EXOC8: variants seen among roughly 807,000 people sequenced by gnomAD.
EXOC8 encodes exocyst complex 84 kDa subunit.
Under a neutral mutation model 50.8 loss-of-function variants are expected in EXOC8, and 19 were observed. The observed-to-expected ratio is 0.37, with a 90% CI of 0.26 to 0.55. The LOEUF is 0.55. EXOC8 is among the 20% of genes least tolerant of loss of function. The probability of loss-of-function intolerance (pLI) is 0.80; values close to 1 mark genes in which losing one functional copy is unlikely to be tolerated. For missense variants in EXOC8, 781 were observed against 915.8 expected, an observed-to-expected ratio of 0.85 and a Z score of 1.90; for synonymous variants, 384 against 367.9, an observed-to-expected ratio of 1.04 and a Z score of -0.50.
Position 231,336,373 on chromosome 1 carries a change from T to C in EXOC8, c.1373A>G (p.Lys458Arg), listed in dbSNP as rs929326623. The C allele has an allele frequency of 6.2e-7, 1 of 1,613,952 alleles. No individual in the cohort carries two copies. Among genetic ancestry groups the C allele is most frequent in the Non-Finnish European group, 8.5e-7 (1 of 1,180,050 alleles). ...IEGATLLYIH[K>R]LCHVFFTSLL... is the part of the protein sequence containing the mutation. ...GCTGGTAAAGAAGACATGGCACAGC[T>C]TATGAATATAGAGTAAAGTGGCACC... Residue 458 changes from lysine to arginine, a missense_variant, in exon 1 of 1, where the codon AAG becomes AGG. Physicochemically the swap from Lys to Arg is conservative, Grantham distance 26 (BLOSUM62 2). Around this residue, in one of 3 missense-constraint regions of EXOC8, gnomAD observed 700 missense variants for 804.1 expected, o/e 0.87. Transcript: ENST00000366645. This position sits in a 1 kb window ranked among gnomAD's most constrained non-coding sequence, Gnocchi z 5.4.
In EXOC8 at chr1:231,336,763, T is replaced by C; in HGVS notation, c.983A>G (p.Glu328Gly). Residue 328 changes from glutamate (E) to glycine (G), a missense_variant, in exon 1 of 1, where the codon GAG becomes GGG. By Grantham distance (98) the Glu-to-Gly change is moderately conservative. Coordinates refer to ENST00000366645, the MANE Select transcript of EXOC8 (RefSeq NM_175876.5). This position sits in a 1 kb window ranked among gnomAD's most constrained non-coding sequence, Gnocchi z 5.4. ...CCATTCCATGGAGAGGTCCACCTTC[T>C]CTTCCTCTACCTCAGGAACAGCTGG... ...EEPAVPEVEEEKVDLSMEWIQ... is the reference protein window; with the variant it reads ...EEPAVPEVEEGKVDLSMEWIQ... 1 of 1,614,222 alleles carries C rather than the reference T, an allele frequency of 6.2e-7. No individual in the cohort carries two copies. The highest frequency in any genetic ancestry group is 8.5e-7 in the Non-Finnish European group (1 of 1,180,036).
chr1:231,336,858 C>T lies in EXOC8; in HGVS notation c.888G>A (p.Ala296=), dbSNP rs1174976436. The change falls in exon 1 of 1, where the codon GCG becomes GCA. Residue 296 remains alanine, a synonymous_variant. Transcript: ENST00000366645. This position sits in a 1 kb window ranked among gnomAD's most constrained non-coding sequence, Gnocchi z 5.4. ...TCACTTGGGGTGGCCCTCGAGGGGC[C>T]GCTGCCTCCTCCTGCTCCCTTCGCC... The part of the protein sequence containing the change: ...EKRRREQEEA[A]APRGPPQVTS... 1 of 1,613,982 alleles carries T rather than the reference C, an allele frequency of 6.2e-7. No homozygotes were observed. Among genetic ancestry groups the T allele is most frequent in the Non-Finnish European group, 8.5e-7 (1 of 1,180,042 alleles).
rs913828942 is a variant in EXOC8 at position 231,333,536 on chromosome 1, A to G, written c.*2032T>C. On this transcript the variant is annotated 3_prime_UTR_variant, in exon 1 of 1. Transcript: ENST00000366645. ...TATCATTCCACAGACTCAGCATCATATATTTATACATATTTCATACAGTAT... is the reference window on the plus strand; with the variant it reads ...TATCATTCCACAGACTCAGCATCATGTATTTATACATATTTCATACAGTAT... 2.6e-5 allele frequency: 4 copies of G among 152,668 alleles called. No homozygotes were observed. Among genetic ancestry groups the G allele is most frequent in the Non-Finnish European group, 5.9e-5 (4 of 68,036 alleles). 9.5% of individuals were successfully genotyped at this position (152,668 alleles called of 1,614,324 possible).
rs1338419784 is a variant in EXOC8, at chr1:231,333,128, T to C, written c.*2440A>G. The C allele has an allele frequency of 6.6e-6, 1 of 152,240 alleles. No homozygotes were observed. Among genetic ancestry groups the C allele is most frequent in the Non-Finnish European group, 1.5e-5 (1 of 68,046 alleles). The allele number at this position is 152,240 out of a possible 1,614,324, so 9.4% of individuals were successfully genotyped here. On this transcript the variant is annotated 3_prime_UTR_variant, in exon 1 of 1. Coordinates refer to ENST00000366645, the MANE Select transcript of EXOC8 (RefSeq NM_175876.5). The stretch of plus-strand genomic sequence containing the variant: ...AAAGGCAATCAATGCTTAAGTGGTA[T>C]ATTTTAGTATATATTACATTTCTGG...
chr1:231,337,135 T>C lies in EXOC8; in HGVS notation c.611A>G (p.His204Arg). 6.2e-7 allele frequency: 1 copy of C among 1,614,156 alleles called. No individual in the cohort carries two copies. Among genetic ancestry groups the C allele is most frequent in the Non-Finnish European group, 8.5e-7 (1 of 1,180,028 alleles). The change falls in exon 1 of 1, where the codon CAC (histidine) becomes CGC (arginine). Residue 204 changes from histidine to arginine, a missense_variant. By Grantham distance (29) the His-to-Arg change is conservative (BLOSUM62 0). Around this residue, in one of 3 missense-constraint regions of EXOC8, gnomAD observed 700 missense variants for 804.1 expected, o/e 0.87. Transcript: ENST00000366645. This position sits in a 1 kb window ranked among gnomAD's most constrained non-coding sequence, Gnocchi z 5.9. ...ADHMAQLQRVHGFLMNDCLLV... is the reference protein window; with the variant it reads ...ADHMAQLQRVRGFLMNDCLLV... Reference sequence around the variant, plus strand: ...CAAGCAATCGTTCATGAGAAAGCCGTGCACCCGCTGCAGTTGGGCCATGTG... The same window carrying C: ...CAAGCAATCGTTCATGAGAAAGCCGCGCACCCGCTGCAGTTGGGCCATGTG...
chr1:231,336,714 C>G lies in EXOC8; in HGVS notation c.1032G>C (p.Leu344=), dbSNP rs746595093. The stretch of plus-strand genomic sequence containing the variant: ...AGTCTCTCTGCGCAATGCAGACATC[C>G]AGGTCTTCAGGTAACTCCTGGATCC... ...MEWIQELPED[L]DVCIAQRDFE... Residue 344 remains leucine, a synonymous_variant, in exon 1 of 1, where the codon CTG becomes CTC. Transcript: ENST00000366645. The surrounding 1 kb of genome is among the most constrained non-coding windows in gnomAD (Gnocchi z 5.4). The G allele has an allele frequency of 1.9e-6, 3 of 1,614,224 alleles. No individual in the cohort carries two copies. The highest frequency in any genetic ancestry group is 2.5e-6 in the Non-Finnish European group (3 of 1,180,050).
chr1:231,332,909 T>C lies in EXOC8; in HGVS notation c.*2659A>G, dbSNP rs940216207. The C allele has an allele frequency of 3.9e-5, 6 of 152,174 alleles. No homozygotes were observed. Among genetic ancestry groups the C allele is most frequent in the Non-Finnish European group, 7.4e-5 (5 of 68,022 alleles). The allele number at this position is 152,174 out of a possible 1,614,324, so 9.4% of individuals were successfully genotyped here. A position where few individuals can be genotyped will look rare whatever the true frequency, so the allele number is the denominator to read the frequency against. ...CTAGGTAAGATATCAAGTTACAAAA[T>C]ACAAGTGCCGATAATTAAACTATAG... On this transcript the variant is annotated 3_prime_UTR_variant, in exon 1 of 1. Coordinates refer to ENST00000366645, the MANE Select transcript of EXOC8 (RefSeq NM_175876.5).
chr1:231,336,716 G>T lies in EXOC8; in HGVS notation c.1030C>A (p.Leu344Met), dbSNP rs768511878. ...MEWIQELPED[L>M]DVCIAQRDFE... Reference sequence around the variant, plus strand: ...TCTCTCTGCGCAATGCAGACATCCAGGTCTTCAGGTAACTCCTGGATCCAT... The same window carrying T: ...TCTCTCTGCGCAATGCAGACATCCATGTCTTCAGGTAACTCCTGGATCCAT... The change falls in exon 1 of 1, where the codon CTG (leucine) becomes ATG (methionine). Residue 344 changes from leucine (L) to methionine (M), a missense_variant. Coordinates refer to ENST00000366645, the MANE Select transcript of EXOC8 (RefSeq NM_175876.5). The surrounding 1 kb of genome is among the most constrained non-coding windows in gnomAD (Gnocchi z 5.4). 2.5e-6 allele frequency: 4 copies of T among 1,614,210 alleles called. No individual in the cohort carries two copies. Among genetic ancestry groups the T allele is most frequent in the Non-Finnish European group, 3.4e-6 (4 of 1,180,034 alleles).
rs754711526 is a variant in EXOC8, at chr1:231,336,915, C to T, written c.831G>A (p.Leu277=). The T allele has an allele frequency of 6.2e-7, 1 of 1,614,120 alleles. No homozygotes were observed. The highest frequency in any genetic ancestry group is 8.5e-7 in the Non-Finnish European group (1 of 1,180,030). The change falls in exon 1 of 1, where the codon CTG becomes CTA. Residue 277 remains leucine (L), a synonymous_variant. Coordinates refer to ENST00000366645, the MANE Select transcript of EXOC8 (RefSeq NM_175876.5). The surrounding 1 kb of genome is among the most constrained non-coding windows in gnomAD (Gnocchi z 5.4). ...AKIKREWLEV[L]EDTKRALSEK... is the part of the protein sequence containing the mutation. ...CACTGAGGGCCCTCTTGGTGTCCTC[C>T]AGCACTTCCAGCCACTCTCGTTTGA...
In EXOC8 at chr1:231,336,476, A is replaced by G. The variant is rs1404765680; in HGVS notation, c.1270T>C (p.Cys424Arg). ...AAAAATAGCTCACAGGCCTTCGTGC[A>G]CTGGCCCAGCCGGATCAGTTGCGAA... ...AVSQLIRLGQ[C>R]TKACELFLRN... Residue 424 changes from cysteine (C) to arginine (R), a missense_variant, in exon 1 of 1, where the codon TGC (cysteine) becomes CGC (arginine). This residue lies in a region of EXOC8 where 700 missense variants were observed against 804.1 expected (regional missense o/e 0.87). Coordinates refer to ENST00000366645, the MANE Select transcript of EXOC8 (RefSeq NM_175876.5). This position sits in a 1 kb window ranked among gnomAD's most constrained non-coding sequence, Gnocchi z 5.4. The G allele has an allele frequency of 6.2e-7, 1 of 1,613,796 alleles. No individual in the cohort carries two copies.
In EXOC8 at chr1:231,337,446, G is replaced by T; in HGVS notation, c.300C>A (p.Ser100Arg). The T allele has an allele frequency of 1.2e-6, 2 of 1,611,298 alleles. No homozygotes were observed. Among genetic ancestry groups the T allele is most frequent in the Non-Finnish European group, 1.7e-6 (2 of 1,179,950 alleles). The change falls in exon 1 of 1, where the codon AGC becomes AGA. Residue 100 changes from serine to arginine, a missense_variant. By Grantham distance (110) the Ser-to-Arg change is moderately radical (BLOSUM62 -1). Coordinates refer to ENST00000366645, the MANE Select transcript of EXOC8 (RefSeq NM_175876.5). This position sits in a 1 kb window ranked among gnomAD's most constrained non-coding sequence, Gnocchi z 5.9. ...CGGCAGGCAGCAACGTAAGCGGGAT[G>T]CTCTCCAGGCTGCTTTTCTGCTCGG... is the stretch of plus-strand genomic sequence containing the variant. ...LLTEQKSSLE[S>R]IPLTLLPAAA...
Position 231,337,717 on chromosome 1 carries a change from G to A in EXOC8, c.29C>T (p.Ala10Val). The change falls in exon 1 of 1, where the codon GCG becomes GTG. Residue 10 changes from alanine to valine, a missense_variant. Transcript: ENST00000366645. This position sits in a 1 kb window ranked among gnomAD's most constrained non-coding sequence, Gnocchi z 5.9. MAMAMSDSG[A>V]SRLRRQLESG... is the part of the protein sequence containing the mutation. Reference sequence around the variant, plus strand: ...CTCCAGCTGCCGACGCAGGCGGCTCGCCCCACTGTCCGACATCGCCATCGC... The same window carrying A: ...CTCCAGCTGCCGACGCAGGCGGCTCACCCCACTGTCCGACATCGCCATCGC... The A allele has an allele frequency of 1.9e-6, 3 of 1,605,196 alleles. No individual in the cohort carries two copies. Among genetic ancestry groups the A allele is most frequent in the South Asian group, 2.2e-5 (2 of 90,396 alleles).
Position 231,336,450 on chromosome 1 carries a change from C to T in EXOC8, c.1296G>A (p.Leu432=), listed in dbSNP as rs1234740183. The T allele has an allele frequency of 6.2e-7, 1 of 1,613,642 alleles. No homozygotes were observed. The highest frequency in any genetic ancestry group is 2.2e-5 in the East Asian group (1 of 44,888). Residue 432 remains leucine (L), a synonymous_variant, in exon 1 of 1, where the codon TTG becomes TTA. Transcript: ENST00000366645. The surrounding 1 kb of genome is among the most constrained non-coding windows in gnomAD (Gnocchi z 5.4). ...TATGAACAGCGGCTGCCCTGTTTCT[C>T]AAAAATAGCTCACAGGCCTTCGTGC... is the stretch of plus-strand genomic sequence containing the variant. ...GQCTKACELF[L]RNRAAAVHTA...
rs773055842 is a variant in EXOC8 at position 231,335,562 on chromosome 1, C to T, written c.*6G>A. The T allele has an allele frequency of 3.8e-6, 6 of 1,595,028 alleles. No individual in the cohort carries two copies. The East Asian group carries it at 8.9e-5, about 24-fold the overall frequency. On this transcript the variant is annotated 3_prime_UTR_variant, in exon 1 of 1. Coordinates refer to ENST00000366645, the MANE Select transcript of EXOC8 (RefSeq NM_175876.5). Reference sequence around the variant, plus strand: ...GCATATATACACATATAAACAGACCCAAGCATTAGACCACTGATGTTGTAC... The same window carrying T: ...GCATATATACACATATAAACAGACCTAAGCATTAGACCACTGATGTTGTAC...
At position 231,337,731 on chromosome 1, in the gene EXOC8, C is replaced by A; in HGVS notation, c.15G>T (p.Met5Ile). The change falls in exon 1 of 1, where the codon ATG becomes ATT. Residue 5 changes from methionine (M) to isoleucine (I), a missense_variant. By Grantham distance (10) the Met-to-Ile change is conservative. Transcript: ENST00000366645. The surrounding 1 kb of genome is among the most constrained non-coding windows in gnomAD (Gnocchi z 5.9). MAMA[M>I]SDSGASRLRR... Reference sequence around the variant, plus strand: ...GCAGGCGGCTCGCCCCACTGTCCGACATCGCCATCGCCATTTCTCTCCGGG... The same window carrying A: ...GCAGGCGGCTCGCCCCACTGTCCGAAATCGCCATCGCCATTTCTCTCCGGG... 1 of 1,594,258 alleles carries A rather than the reference C, an allele frequency of 6.3e-7. No homozygotes were observed. Among genetic ancestry groups the A allele is most frequent in the Non-Finnish European group, 8.5e-7 (1 of 1,172,672 alleles).
In EXOC8 at chr1:231,335,723, T is replaced by C; in HGVS notation, c.2023A>G (p.Arg675Gly). ...TCATATAAAAAGGATGCATTCTGTC[T>C]GATAAAAGCTTTCTTCTCTGGATCC... Reference protein sequence around the residue: ...EQDPEKKAFIRQNASFLYETV... With the variant: ...EQDPEKKAFIGQNASFLYETV... Residue 675 changes from arginine (R) to glycine (G), a missense_variant, in exon 1 of 1, where the codon AGA becomes GGA. By Grantham distance (125) the Arg-to-Gly change is moderately radical. This residue lies in a region of EXOC8 where 79 missense variants were observed against 95.3 expected (regional missense o/e 0.83). Coordinates refer to ENST00000366645, the MANE Select transcript of EXOC8 (RefSeq NM_175876.5). The C allele has an allele frequency of 6.2e-7, 1 of 1,614,240 alleles. No individual in the cohort carries two copies.
In EXOC8 at chr1:231,334,329, T is replaced by C. The variant is rs1339778042; in HGVS notation, c.*1239A>G. 1 of 152,244 alleles carries C rather than the reference T, an allele frequency of 6.6e-6. No homozygotes were observed. The highest frequency in any genetic ancestry group is 1.5e-5 in the Non-Finnish European group (1 of 68,044). The allele number at this position is 152,244 out of a possible 1,614,324, so 9.4% of individuals were successfully genotyped here. On this transcript the variant is annotated 3_prime_UTR_variant, in exon 1 of 1. Coordinates refer to ENST00000366645, the MANE Select transcript of EXOC8 (RefSeq NM_175876.5). ...TAGTGAGAACACTGAGATTTGCATA[T>C]GTTTTTCTACTTTCCCATCCATCTA...
rs1686643590 is a variant in EXOC8 at position 231,335,373 on chromosome 1, ATAAT to A, written c.*191_*194del. ...GATAGCTAGCATACTATACGTTTTAATAATTCCAGTATTTTTGTTACTTGGGCTT... is the reference window on the plus strand; with the variant it reads ...GATAGCTAGCATACTATACGTTTTAATCCAGTATTTTTGTTACTTGGGCTT... On this transcript the variant is annotated 3_prime_UTR_variant, in exon 1 of 1. Coordinates refer to ENST00000366645, the MANE Select transcript of EXOC8 (RefSeq NM_175876.5). 3 of 435,564 alleles carry A rather than the reference ATAAT, an allele frequency of 6.9e-6. No homozygotes were observed. The Middle Eastern group carries it at 1.9e-3, about 277-fold the overall frequency. 27.0% of individuals were successfully genotyped at this position (435,564 alleles called of 1,614,324 possible). A position where few individuals can be genotyped will look rare whatever the true frequency, so the allele number is the denominator to read the frequency against.
Position 231,334,574 on chromosome 1 carries a change from T to A in EXOC8, c.*994A>T, listed in dbSNP as rs1446389939. On this transcript the variant is annotated 3_prime_UTR_variant, in exon 1 of 1. Coordinates refer to ENST00000366645, the MANE Select transcript of EXOC8 (RefSeq NM_175876.5). ...AAAGACAAAAGCTACAGCTGGAAAC[T>A]CACACAATTTAGAAATATGTTGAAA... is the stretch of plus-strand genomic sequence containing the variant. 6.6e-6 allele frequency: 1 copy of A among 152,222 alleles called. No homozygotes were observed. The highest frequency in any genetic ancestry group is 1.5e-5 in the Non-Finnish European group (1 of 68,042). The allele number at this position is 152,222 out of a possible 1,614,324, so 9.4% of individuals were successfully genotyped here. A position where few individuals can be genotyped will look rare whatever the true frequency, so the allele number is the denominator to read the frequency against.
Sources: gnomAD v4.1 joint callset for allele counts on GRCh38, gnomAD v4.1.1 for gene constraint, gnomAD v4.1.1 regional missense constraint, Gnocchi (gnomAD v3.1) non-coding constraint, MANE v1.5 for transcripts, NCBI Gene and HGNC (gene_info 2026-07-23, HGNC 2026-07-21) for gene names.